UNC13C: variants seen among roughly 807,000 people sequenced by gnomAD.
The protein encoded by UNC13C is unc-13 homolog C.
In UNC13C, 174 loss-of-function variants were observed where a neutral mutation model predicts 245.4. That is an observed-to-expected ratio of 0.71 (90% CI 0.63 to 0.80). The LOEUF is 0.80. UNC13C is among the 30% of genes least tolerant of loss of function. The pLI, the probability that UNC13C is intolerant of heterozygous loss-of-function variation, is 0.00. For missense variants in UNC13C, 2,829 were observed against 2,602.9 expected (o/e 1.09, Z -1.89); for synonymous variants, 992 against 895.1 (o/e 1.11, Z -1.93).
intron 2 of UNC13C, among the ~76,000 whole-genome samples, chr15:54,045,642 C>A (rs554240914): frequency 6.6e-6 from 1 of 152,148 alleles, no homozygotes; most frequent in Non-Finnish European, 1.5e-5. Context: ...GCTAATACAA[C>A]CTGACTGCCT....
At chr15:54,033,176 T>G (rs1272380817) in intron 2 of UNC13C, among the ~76,000 whole-genome samples, 1 of 152,062 alleles carries the variant, frequency 6.6e-6, no homozygotes, top group African/African-American at 2.4e-5. Context: ...ATGGCATAGA[T>G]GTAATTAATA....
At chr15:54,179,849 C>A (rs920302690) in intron 4 of UNC13C, among the ~76,000 whole-genome samples, 21 of 151,882 alleles carry the variant, frequency 1.4e-4, no homozygotes, top group African/African-American at 4.8e-4. Context: ...TCACTGCAGT[C>A]AAATTATTAA....
chr15:54,047,921 A>G (rs576276441), intron 2 of UNC13C, among the ~76,000 whole-genome samples: 2 of 152,288 alleles, frequency 1.3e-5, no homozygotes, highest in South Asian at 4.1e-4. Context: ...AAACTGAAAT[A>G]TAATTAACAC....
chr15:54,323,132 T>A (rs1378694172), intron 14 of UNC13C, among the ~76,000 whole-genome samples: 2 of 152,002 alleles, frequency 1.3e-5, no homozygotes, highest in African/African-American at 4.8e-5. Flanking sequence ...CAGAGTATAT[T>A]GTTTAGAAAT....
At chr15:54,250,761 T>C (rs202111312) in intron 8 of UNC13C, among the ~76,000 whole-genome samples, 33 of 63,092 alleles carry the variant, frequency 5.2e-4, no homozygotes, top group African/African-American at 5.1e-4. Flanking sequence ...TTTTTTTTTT[T>C]TTTTTTTTTT....
the UNC13C span, among the ~76,000 whole-genome samples, chr15:53,969,905 C>A: frequency 1.3e-5 from 2 of 152,074 alleles, no homozygotes; most frequent in African/African-American, 4.8e-5. Flanking sequence ...CACTCTTCTG[C>A]CTTCTGTTTC....
intron 21 of UNC13C, among the ~76,000 whole-genome samples, chr15:54,500,451 C>A (rs932814470): frequency 6.6e-6 from 1 of 151,764 alleles, no homozygotes; most frequent in Non-Finnish European, 1.5e-5. Flanking sequence ...TTGTACAAAA[C>A]ATCTTTGTTG....
intron 19 of UNC13C, among the ~76,000 whole-genome samples, chr15:54,455,207 A>C (rs11638303): frequency 0.28 from 5,261 of 18,522 alleles, 560 homozygotes; most frequent in African/African-American, 0.36. Flanking sequence ...CTCTCTCTCT[A>C]TATATATATA....
chr15:54,090,776 G>A (rs369186147), intron 2 of UNC13C, among the ~76,000 whole-genome samples: 2 of 152,158 alleles, frequency 1.3e-5, no homozygotes, highest in South Asian at 4.1e-4. Flanking sequence ...CAGCCTGAAA[G>A]CTCCCACGCC....
At chr15:54,624,938 T>C (rs1467912650) in intron 32 of UNC13C, among the ~76,000 whole-genome samples, 3 of 152,110 alleles carry the variant, frequency 2.0e-5, no homozygotes, top group Non-Finnish European at 2.9e-5. Flanking sequence ...TACTTATGCC[T>C]GAAAAGAGGA....
intron 2 of UNC13C, among the ~76,000 whole-genome samples, chr15:54,105,778 T>C (rs2141164807): frequency 6.6e-6 from 1 of 152,302 alleles, no homozygotes; most frequent in African/African-American, 2.4e-5. Flanking sequence ...ATGTAAGTGG[T>C]GGTTTCAACC....
intron 4 of UNC13C, among the ~76,000 whole-genome samples, chr15:54,222,655 G>A (rs190725827): frequency 5.9e-4 from 89 of 152,046 alleles, no homozygotes; most frequent in African/African-American, 2.1e-3. Context: ...TTCAGTTTTT[G>A]AGGAACCTCC....
intron 30 of UNC13C, among the ~76,000 whole-genome samples, chr15:54,602,598 A>T (rs1372193102): frequency 6.6e-6 from 1 of 152,208 alleles, no homozygotes; most frequent in Non-Finnish European, 1.5e-5. Flanking sequence ...AATAGATCTT[A>T]TGTTTAAGTA....
chr15:54,553,186 A>G (rs1403904333), intron 28 of UNC13C, among the ~76,000 whole-genome samples: 2 of 114,736 alleles, frequency 1.7e-5, no homozygotes, highest in Non-Finnish European at 3.3e-5. Flanking sequence ...ATTACAATAT[A>G]TATTATATAC....
chr15:54,605,802 C>A (rs185910497), intron 30 of UNC13C, among the ~76,000 whole-genome samples: 1 of 152,190 alleles, frequency 6.6e-6, no homozygotes, highest in African/African-American at 2.4e-5. Context: ...AAATGCTTTG[C>A]GAGCAATATG....
At chr15:54,383,020 C>G (rs972251296) in intron 17 of UNC13C, among the ~76,000 whole-genome samples, 3 of 151,884 alleles carry the variant, frequency 2.0e-5, no homozygotes, top group Non-Finnish European at 4.4e-5. Flanking sequence ...TCTAAACAGG[C>G]CAATAATGAG....
intron 19 of UNC13C, among the ~76,000 whole-genome samples, chr15:54,490,764 A>C (rs1051987513): frequency 6.6e-6 from 1 of 152,136 alleles, no homozygotes; most frequent in Non-Finnish European, 1.5e-5. Flanking sequence ...TCAAGGTTTT[A>C]ATTGGAAACA....
intron 16 of UNC13C, among the ~76,000 whole-genome samples, chr15:54,335,835 A>G (rs1435361892): frequency 6.6e-6 from 1 of 152,184 alleles, no homozygotes; most frequent in Non-Finnish European, 1.5e-5. Flanking sequence ...GCATGGGATT[A>G]TAGTTGTAAA....
chr15:54,234,676 C>T (rs1225329574), intron 4 of UNC13C, among the ~76,000 whole-genome samples: 1 of 152,144 alleles, frequency 6.6e-6, no homozygotes, highest in Non-Finnish European at 1.5e-5. Context: ...ACCAAACTTG[C>T]ACCAAAAATG....
Sources: allele counts gnomAD v4.1 joint callset (sites outside exome capture counted in the v4.1 genomes callset), GRCh38; gene constraint gnomAD v4.1.1; transcripts MANE v1.5; gene names NCBI Gene and HGNC (gene_info 2026-07-23, HGNC 2026-07-21).